The following PDIA5 variants were observed in gnomAD, a reference collection of about 807,000 sequenced individuals.
The protein encoded by PDIA5 is protein disulfide isomerase family A member 5.
Under a neutral mutation model 77.6 loss-of-function variants are expected in PDIA5, and 58 were observed. The observed-to-expected ratio is 0.75, with a 90% CI of 0.61 to 0.93. The LOEUF is 0.93. Ranked by LOEUF, PDIA5 falls within the 40% of genes least tolerant of loss-of-function variation. The pLI, the probability that PDIA5 is intolerant of heterozygous loss-of-function variation, is 0.00. For missense variants in PDIA5, 630 were observed against 647.7 expected, an observed-to-expected ratio of 0.97 and a Z score of 0.30; for synonymous variants, 250 against 252.1, an observed-to-expected ratio of 0.99 and a Z score of 0.08.
intron 2 of PDIA5, among the ~76,000 whole-genome samples, chr3:123,090,201 C>G (rs945233549): frequency 1.3e-5 from 2 of 152,178 alleles, no homozygotes; most frequent in African/African-American, 2.4e-5. Context: ...CTGCTGCTTC[C>G]CCTTCTGGCA....
intron 13 of PDIA5, among the ~76,000 whole-genome samples, chr3:123,148,297 G>A (rs1935813244): frequency 3.3e-5 from 5 of 152,180 alleles, no homozygotes; most frequent in Admixed American, 2.6e-4. Flanking sequence ...GCCGGGCACG[G>A]TGGCTCATGG....
At chr3:123,156,759 G>A (rs1227453021) in intron 15 of PDIA5, among the ~76,000 whole-genome samples, 2 of 152,186 alleles carry the variant, frequency 1.3e-5, no homozygotes, top group African/African-American at 4.8e-5. Context: ...GCCATGCTGG[G>A]GAGCATGGTG....
intron 11 of PDIA5, among the ~76,000 whole-genome samples, chr3:123,144,346 C>T (rs906445872): frequency 5.9e-5 from 9 of 152,182 alleles, no homozygotes; most frequent in Admixed American, 3.3e-4. Context: ...TCCGCTGATC[C>T]TAGTTAATGC....
At chr3:123,141,235 G>C (rs1011548960) in intron 11 of PDIA5, among the ~76,000 whole-genome samples, 2 of 152,144 alleles carry the variant, frequency 1.3e-5, no homozygotes, top group Admixed American at 1.3e-4. Context: ...TCTTGACCAT[G>C]GGCCCTGCCA....
At chr3:123,091,754 T>TTCTGGGGAA in intron 2 of PDIA5, among the ~76,000 whole-genome samples, 1 of 152,322 alleles carries the variant, frequency 6.6e-6, no homozygotes, top group East Asian at 1.9e-4. Context: ...GGAAGTGGGC[T>TTCTGGGGAA]GTTAAATGTG....
At position 123,130,622 on chromosome 3, in the gene PDIA5, T is replaced by A; in HGVS notation, c.910+6T>A. On this transcript the variant is annotated splice_donor_region_variant and intron_variant, in intron 11 of 16. Coordinates refer to ENST00000316218, the MANE Select transcript of PDIA5 (RefSeq NM_006810.4). The stretch of plus-strand genomic sequence containing the variant: ...CGTCATGTTCCACGCCCCATGTGAG[T>A]GGAACTTTGCTCCTCCCCCTCCACA... The A allele has an allele frequency of 6.2e-7, 1 of 1,613,834 alleles. No individual in the cohort carries two copies. The highest frequency in any genetic ancestry group is 8.5e-7 in the Non-Finnish European group (1 of 1,179,814).
intron 8 of PDIA5, among the ~76,000 whole-genome samples, chr3:123,122,804 C>A (rs1220836260): frequency 6.6e-6 from 1 of 152,234 alleles, no homozygotes; most frequent in Non-Finnish European, 1.5e-5. Flanking sequence ...ATTTTCCTCT[C>A]TCTCTGTGTC....
At chr3:123,090,370 G>A (rs1002462650) in intron 2 of PDIA5, among the ~76,000 whole-genome samples, 2 of 152,180 alleles carry the variant, frequency 1.3e-5, no homozygotes, top group Non-Finnish European at 2.9e-5. Flanking sequence ...GGATACTCCC[G>A]GAGTTGGAAC....
intron 1 of PDIA5, among the ~76,000 whole-genome samples, chr3:123,071,911 G>A (rs1412498530): frequency 6.6e-6 from 1 of 152,216 alleles, no homozygotes; most frequent in East Asian, 1.9e-4. Flanking sequence ...TTCCAAGCCA[G>A]AGACATGGGA....
At chr3:123,151,943 GCCTGCCTTCCTT>G (rs1935916736) in intron 14 of PDIA5, among the ~76,000 whole-genome samples, 1 of 111,844 alleles carries the variant, frequency 8.9e-6, no homozygotes, top group Non-Finnish European at 1.8e-5. Flanking sequence ...CTTCCTTCCT[GCCTGCCTTCCTT>G]CCTGCCTGCC....
chr3:123,106,837 A>G lies in PDIA5; in HGVS notation c.476A>G (p.Glu159Gly). 1 of 1,601,508 alleles carries G rather than the reference A, an allele frequency of 6.2e-7. No individual in the cohort carries two copies. The highest frequency in any genetic ancestry group is 8.5e-7 in the Non-Finnish European group (1 of 1,169,840). The change falls in exon 6 of 17, where the codon GAA becomes GGA. Residue 159 changes from glutamate to glycine, a missense_variant. By Grantham distance (98) the Glu-to-Gly change is moderately conservative. Transcript: ENST00000316218. ...AAAGATGTTGTCCACCTTGACAGTG[A>G]AAAGGTAATGTATTCCCCGTCAGTT... ...GAKDVVHLDSEKDFRRLLKKE... is the reference protein window; with the variant it reads ...GAKDVVHLDSGKDFRRLLKKE...
intron 14 of PDIA5, among the ~76,000 whole-genome samples, chr3:123,150,663 T>C (rs1408026767): frequency 1.3e-5 from 2 of 152,004 alleles, no homozygotes; most frequent in Admixed American, 1.3e-4. Flanking sequence ...TCCATGCCCC[T>C]GTCCCCTACC....
chr3:123,097,878 G>A (rs958213889), intron 3 of PDIA5, among the ~76,000 whole-genome samples: 13 of 152,114 alleles, frequency 8.5e-5, no homozygotes, highest in East Asian at 1.9e-4. Context: ...TGGGGTAGTC[G>A]TGGGCACAAA....
intron 1 of PDIA5, among the ~76,000 whole-genome samples, chr3:123,072,949 G>T (rs1263124614): frequency 1.0e-5 from 1 of 96,244 alleles, no homozygotes; most frequent in Admixed American, 1.2e-4. Context: ...TGTGTATGTG[G>T]TGTTGTTGTT....
chr3:123,121,333 G>A (rs908875899), intron 8 of PDIA5, among the ~76,000 whole-genome samples: 1 of 151,696 alleles, frequency 6.6e-6, no homozygotes, highest in Non-Finnish European at 1.5e-5. Context: ...AGCATGTCAC[G>A]CCAGCTGAGT....
chr3:123,082,625 C>T (rs1003995694), intron 1 of PDIA5, among the ~76,000 whole-genome samples: 2 of 151,990 alleles, frequency 1.3e-5, no homozygotes, highest in African/African-American at 4.8e-5. Context: ...GCAGGCAGGG[C>T]CCCTGGAGAG....
chr3:123,084,043 G>A (rs547020725), intron 1 of PDIA5, among the ~76,000 whole-genome samples: 4 of 152,184 alleles, frequency 2.6e-5, no homozygotes, highest in Non-Finnish European at 5.9e-5. Context: ...AGCCCAGTTA[G>A]TGTCTTAGCT....
chr3:123,130,953 T>C (rs1366297569), intron 11 of PDIA5, among the ~76,000 whole-genome samples: 1 of 152,168 alleles, frequency 6.6e-6, no homozygotes, highest in Non-Finnish European at 1.5e-5. Context: ...AGATGTTACC[T>C]AGAACAGACT....
At position 123,150,246 on chromosome 3, in the gene PDIA5, C is replaced by G; in HGVS notation, c.1155C>G (p.Pro385=). The stretch of plus-strand genomic sequence containing the variant: ...TGGCTTCTTGCAGCCCTGAGGCCCC[C>G]CCGCCCCCAGAGCCCACGTGGGAAG... The part of the protein sequence containing the change: ...FLEWMQNPEA[P]PPPEPTWEEQ... Residue 385 remains proline (P), a synonymous_variant, in exon 14 of 17, where the codon CCC becomes CCG. Transcript: ENST00000316218. 1 of 1,612,800 alleles carries G rather than the reference C, an allele frequency of 6.2e-7. No homozygotes were observed. Among genetic ancestry groups the G allele is most frequent in the Admixed American group, 1.7e-5 (1 of 59,928 alleles).
Sources: allele counts gnomAD v4.1 joint callset (sites outside exome capture counted in the v4.1 genomes callset), GRCh38; gene constraint gnomAD v4.1.1; transcripts MANE v1.5; gene names NCBI Gene and HGNC (gene_info 2026-07-23, HGNC 2026-07-21).